XRCC1: variants seen among roughly 807,000 people sequenced by gnomAD.
XRCC1 encodes X-ray repair cross complementing 1.
In XRCC1, 52 loss-of-function variants were observed where a neutral mutation model predicts 83.3. The observed-to-expected ratio is 0.62, with a 90% CI of 0.50 to 0.79. The LOEUF is 0.79. Among genes scored for constraint, XRCC1 ranks in the 30% least tolerant of loss-of-function variants. The probability of loss-of-function intolerance (pLI) is 0.00; values close to 1 mark genes in which losing one functional copy is unlikely to be tolerated. For synonymous variants in XRCC1, 281 were observed against 312.6 expected (o/e 0.90, Z 1.07); for missense variants, 793 against 823.5 (o/e 0.96, Z 0.45).
At chr19:43,545,766 G>A in intron 14 of XRCC1, 52 bp downstream of exon 14, 2 of 1,600,494 alleles carry the variant, frequency 1.2e-6, no homozygotes, top group African/African-American at 1.3e-5. Flanking sequence ...AGTCCCAGCT[G>A]AGAACTGAGA....
intron 2 of XRCC1, among the ~76,000 whole-genome samples, chr19:43,574,331 C>T (rs1972833143): frequency 6.6e-6 from 1 of 152,170 alleles, no homozygotes; most frequent in African/African-American, 2.4e-5. Flanking sequence ...CAGCTTCGGC[C>T]TCCCAAAGTG....
At chr19:43,569,569 G>A (rs1972787736) in intron 2 of XRCC1, among the ~76,000 whole-genome samples, 1 of 151,694 alleles carries the variant, frequency 6.6e-6, no homozygotes, top group Non-Finnish European at 1.5e-5. Flanking sequence ...GATCACTAGA[G>A]GTCAGGAGTT....
At chr19:43,561,121 T>G (rs1191961440) in intron 2 of XRCC1, 101 bp from the exon 3 acceptor site, 2 of 927,522 alleles carry the variant, frequency 2.2e-6, no homozygotes, top group Non-Finnish European at 3.5e-6. Flanking sequence ...GTCCCTGTAA[T>G]GTCAATTCTG....
intron 10 of XRCC1, among the ~76,000 whole-genome samples, chr19:43,551,183 G>T (rs778402349): frequency 4.6e-5 from 7 of 152,160 alleles, no homozygotes; most frequent in Non-Finnish European, 8.8e-5. Context: ...GGCCAGGCTG[G>T]TCTCGAACTT....
chr19:43,568,668 T>C (rs1208707168), intron 2 of XRCC1, among the ~76,000 whole-genome samples: 4 of 150,776 alleles, frequency 2.7e-5, no homozygotes, highest in African/African-American at 9.7e-5. Context: ...TATATGCTTG[T>C]ATGTGTACAG....
intron 2 of XRCC1, among the ~76,000 whole-genome samples, chr19:43,564,210 C>T (rs1267984032): frequency 6.6e-6 from 1 of 152,200 alleles, no homozygotes; most frequent in African/African-American, 2.4e-5. Flanking sequence ...ATTAACACAG[C>T]AGGCCTCTAC....
Position 43,552,123 on chromosome 19 carries a change from C to G in XRCC1, c.976G>C (p.Val326Leu). Residue 326 changes from valine (V) to leucine (L), a missense_variant, in exon 9 of 17, where the codon GTG becomes CTG. Val to Leu is a conservative substitution (Grantham distance 32). Transcript: ENST00000262887. ...AAGGGGTTCTGGAAGCCACTCAGCA[C>G]CACTACCACACCCTGAAGGATCTTC... ...LGKILQGVVV[V>L]LSGFQNPFRS... 2 of 1,614,112 alleles carry G rather than the reference C, an allele frequency of 1.2e-6. No individual in the cohort carries two copies. The highest frequency in any genetic ancestry group is 1.7e-6 in the Non-Finnish European group (2 of 1,180,002).
intron 8 of XRCC1, 24 bp downstream of exon 8, chr19:43,552,773 A>T: frequency 6.4e-7 from 1 of 1,566,670 alleles, no homozygotes. Context: ...GCCCCTGTGG[A>T]AACAAGGGAT....
chr19:43,564,733 A>G (rs1972735112), intron 2 of XRCC1, among the ~76,000 whole-genome samples: 1 of 151,712 alleles, frequency 6.6e-6, no homozygotes, highest in African/African-American at 2.4e-5. Context: ...GGTTGCAGTG[A>G]GCCGAGATCA....
chr19:43,547,720 G>A (rs1352624523), intron 10 of XRCC1, among the ~76,000 whole-genome samples: 4 of 152,002 alleles, frequency 2.6e-5, no homozygotes, highest in Admixed American at 6.5e-5. Context: ...GGATGGTCTC[G>A]AACTCCTGAC....
chr19:43,552,407 C>G (rs540343307), intron 8 of XRCC1, 132 bp from the exon 9 acceptor site: 29 of 699,058 alleles, frequency 4.1e-5, no homozygotes, highest in South Asian at 1.5e-4. Context: ...CCAGCCCCTC[C>G]CCCCTCAGAC....
chr19:43,564,103 A>G (rs1004416362), intron 2 of XRCC1, among the ~76,000 whole-genome samples: 3 of 152,194 alleles, frequency 2.0e-5, no homozygotes, highest in Non-Finnish European at 2.9e-5. Flanking sequence ...TGTTGAGAAC[A>G]TTCAAATCCA....
At chr19:43,556,519 T>C (rs1972637392) in intron 3 of XRCC1, among the ~76,000 whole-genome samples, 1 of 152,150 alleles carries the variant, frequency 6.6e-6, no homozygotes, top group Non-Finnish European at 1.5e-5. Flanking sequence ...AAACCCAAGC[T>C]GAGGCCAGGC....
rs371113463 is a variant in XRCC1 at position 43,546,913 on chromosome 19, C to T, written c.1264G>A (p.Gly422Arg). 1.0e-4 allele frequency: 163 copies of T among 1,613,888 alleles called. No individual in the cohort carries two copies. The highest frequency in any genetic ancestry group is 1.3e-4 in the Non-Finnish European group (149 of 1,180,010). The stretch of plus-strand genomic sequence containing the variant: ...TGAGGAAGCTTGGGGGCTTCATCTC[C>T]GCTGCCACCGCTGTGAGAGGCCTCA... The part of the protein sequence containing the change: ...EDEASHSGGS[G>R]DEAPKLPQKQ... The change falls in exon 11 of 17, where the codon GGA (glycine) becomes AGA (arginine). Residue 422 changes from glycine to arginine, a missense_variant. Physicochemically the swap from Gly to Arg is moderately radical, Grantham distance 125. Transcript: ENST00000262887.
intron 2 of XRCC1, among the ~76,000 whole-genome samples, chr19:43,570,306 T>C (rs1254127085): frequency 2.0e-5 from 3 of 151,086 alleles, no homozygotes; most frequent in Non-Finnish European, 3.0e-5. Context: ...AGCCCAGGAG[T>C]AGTTAGCAAA....
At chr19:43,546,186 C>T (rs1295838592) in intron 12 of XRCC1, 80 bp from the exon 13 acceptor site, 6 of 1,527,770 alleles carry the variant, frequency 3.9e-6, no homozygotes, top group Non-Finnish European at 5.4e-6. Flanking sequence ...GGCACAGACC[C>T]AGGCATCTCA....
At chr19:43,553,174 G>A (rs1411901748) in intron 6 of XRCC1, 83 bp from the exon 7 acceptor site, 1 of 1,437,688 alleles carries the variant, frequency 7.0e-7, no homozygotes, top group African/African-American at 1.4e-5. Flanking sequence ...ACAGAATATT[G>A]TTGCCAAAAC....
chr19:43,543,606 A>G lies in XRCC1; in HGVS notation c.1788+6T>C, dbSNP rs753674953. On this transcript the variant is annotated splice_donor_region_variant and intron_variant, in intron 16 of 16. Coordinates refer to ENST00000262887, the MANE Select transcript of XRCC1 (RefSeq NM_006297.3). ...GTCTCCCATTCTCTGCCTCTTTGGT[A>G]CTCACCTCCTCAAAGCTGGGATCCC... 8.1e-6 allele frequency: 13 copies of G among 1,613,270 alleles called. No homozygotes were observed. The highest frequency in any genetic ancestry group is 6.7e-5 in the Admixed American group (4 of 59,902).
intron 3 of XRCC1, among the ~76,000 whole-genome samples, chr19:43,555,915 G>T (rs1387421808): frequency 6.6e-6 from 1 of 152,018 alleles, no homozygotes; most frequent in Non-Finnish European, 1.5e-5. Context: ...TAAGAGACAG[G>T]GTCTTTCTCT....
Sources: gnomAD v4.1 joint callset for allele counts (sites outside exome capture counted in the v4.1 genomes callset) on GRCh38, gnomAD v4.1.1 for gene constraint, MANE v1.5 for transcripts, NCBI Gene and HGNC (gene_info 2026-07-23, HGNC 2026-07-21) for gene names.